MPRIP: variants seen among roughly 807,000 people sequenced by gnomAD.
The protein encoded by MPRIP is myosin phosphatase Rho interacting protein, also known as myosin phosphatase Rho-interacting protein.
In MPRIP, 59 loss-of-function variants were observed where a neutral mutation model predicts 234.9. The observed-to-expected ratio is 0.25, with a 90% CI of 0.20 to 0.31. The LOEUF is 0.31. Ranked by LOEUF, MPRIP falls within the 10% of genes least tolerant of loss-of-function variation. The pLI, the probability that MPRIP is intolerant of heterozygous loss-of-function variation, is 1.00. For synonymous variants in MPRIP, 1,144 were observed against 1,263.9 expected, an observed-to-expected ratio of 0.91 and a Z score of 2.01; for missense variants, 2,436 against 3,071.0, an observed-to-expected ratio of 0.79 and a Z score of 4.89.
At chr17:17,147,963 C>T (rs960689744) in intron 11 of MPRIP, among the ~76,000 whole-genome samples, 2 of 152,184 alleles carry the variant, frequency 1.3e-5, no homozygotes, top group Admixed American at 1.3e-4. Context: ...TCTCCTTTGC[C>T]TTTTCCCCAG....
chr17:17,135,966 C>G (rs751877141), intron 5 of MPRIP, among the ~76,000 whole-genome samples: 7 of 152,168 alleles, frequency 4.6e-5, no homozygotes, highest in Non-Finnish European at 7.3e-5. Flanking sequence ...TGATGCTGGA[C>G]CTGTCTCGAG....
At chr17:17,130,976 C>T (rs1303667737) in intron 4 of MPRIP, among the ~76,000 whole-genome samples, 3 of 152,194 alleles carry the variant, frequency 2.0e-5, no homozygotes, top group Non-Finnish European at 4.4e-5. Context: ...GTGGCAGAAC[C>T]AGATCCAGAG....
Position 17,165,040 on chromosome 17 carries a change from A to G in MPRIP, c.3449A>G (p.Gln1150Arg), listed in dbSNP as rs1278211004. 3.1e-6 allele frequency: 4 copies of G among 1,302,162 alleles called. No individual in the cohort carries two copies. Among genetic ancestry groups the G allele is most frequent in the Non-Finnish European group, 4.0e-6 (4 of 988,922 alleles). 80.7% of individuals were successfully genotyped at this position (1,302,162 alleles called of 1,614,324 possible). A position where few individuals can be genotyped will look rare whatever the true frequency, so the allele number is the denominator to read the frequency against. ...ADNQSLEHSY[Q>R]RVSSQLQSMH... is the part of the protein sequence containing the mutation. Reference sequence around the variant, plus strand: ...AACCAGAGCCTGGAGCACTCCTACCAGAGGGTCTCCAGCCAGCTGCAGAGC... The same window carrying G: ...AACCAGAGCCTGGAGCACTCCTACCGGAGGGTCTCCAGCCAGCTGCAGAGC... Residue 1150 changes from glutamine (Q) to arginine (R), a missense_variant, in exon 16 of 24, where the codon CAG becomes CGG. This residue lies in a region of MPRIP where 1,998 missense variants were observed against 2,520.3 expected (regional missense o/e 0.79). Transcript: ENST00000651222.
At chr17:17,047,389 C>T (rs2088387454) in intron 1 of MPRIP, among the ~76,000 whole-genome samples, 2 of 150,822 alleles carry the variant, frequency 1.3e-5, no homozygotes, top group Non-Finnish European at 3.0e-5. Flanking sequence ...TGCAGTTGGT[C>T]TTTTTTTTTA....
chr17:17,115,704 C>CT (rs1156767525), intron 3 of MPRIP, among the ~76,000 whole-genome samples: 1 of 152,212 alleles, frequency 6.6e-6, no homozygotes, highest in Non-Finnish European at 1.5e-5. Flanking sequence ...TGCTTCCCAT[C>CT]TTTATCGATT....
intron 5 of MPRIP, among the ~76,000 whole-genome samples, chr17:17,132,954 C>T (rs2144434480): frequency 6.6e-6 from 1 of 152,294 alleles, no homozygotes; most frequent in East Asian, 1.9e-4. Flanking sequence ...TTTAGGGTTA[C>T]ACTGCGTTTC....
At chr17:17,116,376 C>T (rs2090286292) in intron 3 of MPRIP, among the ~76,000 whole-genome samples, 1 of 152,162 alleles carries the variant, frequency 6.6e-6, no homozygotes, top group Admixed American at 6.5e-5. Flanking sequence ...CGTGGGTCTC[C>T]CAGGCCAGCA....
chr17:17,149,974 C>A, intron 11 of MPRIP, 170 bp from the exon 12 acceptor site: 1 of 574,284 alleles, frequency 1.7e-6, no homozygotes, highest in East Asian at 3.0e-5. Flanking sequence ...GTGATTGCAC[C>A]CAGTGAGGGG....
chr17:17,183,590 G>A (rs1212119411), intron 23 of MPRIP, among the ~76,000 whole-genome samples: 1 of 152,212 alleles, frequency 6.6e-6, no homozygotes, highest in African/African-American at 2.4e-5. Flanking sequence ...TATTTACACA[G>A]ACACATAGCT....
chr17:17,179,691 G>C, intron 22 of MPRIP: 1 of 264,972 alleles, frequency 3.8e-6, no homozygotes. Flanking sequence ...GCTCAGCATT[G>C]AGGTCCCACA....
At chr17:17,049,488 C>G (rs1029619810) in intron 1 of MPRIP, among the ~76,000 whole-genome samples, 1 of 152,170 alleles carries the variant, frequency 6.6e-6, no homozygotes, top group Non-Finnish European at 1.5e-5. Context: ...GAGTGAATAT[C>G]TGATTGTTTC....
At chr17:17,084,008 A>G (rs1018672398) in intron 3 of MPRIP, among the ~76,000 whole-genome samples, 7 of 152,102 alleles carry the variant, frequency 4.6e-5, no homozygotes, top group African/African-American at 1.7e-4. Context: ...CCCAGAGTCC[A>G]TGTGATTTCT....
Position 17,184,966 on chromosome 17 carries a change from C to T in MPRIP, c.*72C>T. The T allele has an allele frequency of 1.0e-6, 1 of 977,616 alleles. No individual in the cohort carries two copies. The highest frequency in any genetic ancestry group is 1.7e-5 in the Admixed American group (1 of 57,250). 60.6% of individuals were successfully genotyped at this position (977,616 alleles called of 1,614,324 possible). A position where few individuals can be genotyped will look rare whatever the true frequency, so the allele number is the denominator to read the frequency against. On this transcript the variant is annotated 3_prime_UTR_variant, in exon 24 of 24. Transcript: ENST00000651222. ...GCACACCCCAAGCGCTGCTTTTCAC[C>T]TGTACCTTTGTTTTATTATTATTAT...
chr17:17,130,148 C>T (rs1052152336), intron 4 of MPRIP, among the ~76,000 whole-genome samples: 4 of 152,162 alleles, frequency 2.6e-5, no homozygotes, highest in Non-Finnish European at 5.9e-5. Flanking sequence ...TATTCATTCT[C>T]TCAGCAAATC....
At chr17:17,090,566 G>A (rs975885200) in intron 3 of MPRIP, among the ~76,000 whole-genome samples, 3 of 152,176 alleles carry the variant, frequency 2.0e-5, no homozygotes, top group Non-Finnish European at 4.4e-5. Context: ...GCAGGGTGCA[G>A]TGGCTGTCTT....
At chr17:17,149,406 T>A (rs1736683414) in intron 11 of MPRIP, among the ~76,000 whole-genome samples, 1 of 151,646 alleles carries the variant, frequency 6.6e-6, no homozygotes, top group South Asian at 2.1e-4. Flanking sequence ...GGCAAGAGAA[T>A]CACTTGAACC....
In MPRIP at chr17:17,165,962, G is replaced by A; in HGVS notation, c.4371G>A (p.Arg1457=). ...AGGAGAGGCAGGAGAGGGCCAGGAG[G>A]GTTGAAGGGCATGTTGGAGAGCTTG... is the stretch of plus-strand genomic sequence containing the variant. ...LEQERQERAR[R]VEGHVGELGD... The change falls in exon 16 of 24, where the codon AGG becomes AGA. Residue 1457 remains arginine (R), a synonymous_variant. Coordinates refer to ENST00000651222, the MANE Select transcript of MPRIP (RefSeq NM_001364716.4). 1.5e-6 allele frequency: 2 copies of A among 1,304,314 alleles called. No homozygotes were observed. Among genetic ancestry groups the A allele is most frequent in the African/African-American group, 1.5e-5 (1 of 66,004 alleles). The allele number at this position is 1,304,314 out of a possible 1,614,324, so 80.8% of individuals were successfully genotyped here. A position where few individuals can be genotyped will look rare whatever the true frequency, so the allele number is the denominator to read the frequency against.
intron 4 of MPRIP, among the ~76,000 whole-genome samples, chr17:17,127,431 G>T (rs768246618): frequency 6.6e-6 from 1 of 152,238 alleles, no homozygotes; most frequent in East Asian, 1.9e-4. Flanking sequence ...TGAGAGTGGC[G>T]AACTGGCTCA....
intron 17 of MPRIP, 134 bp downstream of exon 17, chr17:17,171,999 T>C (rs565156177): frequency 2.6e-5 from 29 of 1,121,272 alleles, no homozygotes; most frequent in South Asian, 6.6e-5. Context: ...AAGGGTTCTT[T>C]GACTATTCAC....
Sources: allele counts gnomAD v4.1 joint callset (sites outside exome capture counted in the v4.1 genomes callset), GRCh38; gene constraint gnomAD v4.1.1; regional missense constraint gnomAD v4.1.1; transcripts MANE v1.5; gene names NCBI Gene and HGNC (gene_info 2026-07-23, HGNC 2026-07-21).